OTUD7B: variants seen among roughly 807,000 people sequenced by gnomAD.
OTUD7B encodes the protein OTU deubiquitinase 7B.
Under a neutral mutation model 82.2 loss-of-function variants are expected in OTUD7B, and 34 were observed. The observed-to-expected ratio is 0.41, with a 90% CI of 0.31 to 0.55. OTUD7B has a LOEUF of 0.55. OTUD7B is among the 20% of genes least tolerant of loss of function. The pLI, the probability that OTUD7B is intolerant of heterozygous loss-of-function variation, is 0.20. For synonymous variants in OTUD7B, 398 were observed against 402.7 expected (o/e 0.99, Z 0.14); for missense variants, 944 against 1,062.1 (o/e 0.89, Z 1.55).
chr1:149,973,226 C>G (rs1486473476), intron 2 of OTUD7B, among the ~76,000 whole-genome samples: 2 of 152,136 alleles, frequency 1.3e-5, no homozygotes, highest in Non-Finnish European at 1.5e-5. Flanking sequence ...CGATAGTTTA[C>G]TTTTGATTTC....
the OTUD7B span, among the ~76,000 whole-genome samples, chr1:150,051,927 A>AT: frequency 6.6e-6 from 1 of 152,234 alleles, no homozygotes; most frequent in Non-Finnish European, 1.5e-5. Flanking sequence ...ACAGATCAGG[A>AT]ATGAGCCATT....
In OTUD7B at chr1:149,951,325, T is replaced by C. The variant is rs587634598; in HGVS notation, c.846-1104A>G. Among the ~76,000 whole-genome samples, 4 of 150,444 alleles carry C rather than the reference T, an allele frequency of 2.7e-5. No individual in the cohort carries two copies. In the East Asian group the frequency reaches 7.9e-4, roughly 30 times the overall value. The stretch of plus-strand genomic sequence containing the variant: ...TTCACCGTGTTGGCCAGGATGGTCT[T>C]GATCTCCTGACCTCGTGATCCGCCC... On this transcript the variant is annotated intron_variant, in intron 7 of 11. Coordinates refer to ENST00000581312, the MANE Select transcript of OTUD7B (RefSeq NM_020205.4).
In OTUD7B at chr1:149,967,329, A is replaced by G. The variant is rs1649585163; in HGVS notation, c.467T>C (p.Ile156Thr). The G allele has an allele frequency of 2.5e-6, 4 of 1,614,038 alleles. No individual in the cohort carries two copies. Among genetic ancestry groups the G allele is most frequent in the East Asian group, 4.5e-5 (2 of 44,872 alleles). ...CAAGGCAACCAGCATGGACTGCTCAATGAGGTCTCTCTCTATGAAGCTGCG... is the reference window on the plus strand; with the variant it reads ...CAAGGCAACCAGCATGGACTGCTCAGTGAGGTCTCTCTCTATGAAGCTGCG... The part of the protein sequence containing the change: ...DFRSFIERDL[I>T]EQSMLVALEQ... The change falls in exon 4 of 12, where the codon ATT becomes ACT. Residue 156 changes from isoleucine (I) to threonine (T), a missense_variant. This residue lies in a region of OTUD7B where 530 missense variants were observed against 625.6 expected (regional missense o/e 0.85). Coordinates refer to ENST00000581312, the MANE Select transcript of OTUD7B (RefSeq NM_020205.4).
At chr1:149,958,935 T>C (rs1411257256) in intron 7 of OTUD7B, among the ~76,000 whole-genome samples, 2 of 150,926 alleles carry the variant, frequency 1.3e-5, no homozygotes, top group Non-Finnish European at 3.0e-5. Context: ...AGATGTGGTC[T>C]CACTGGCCAG....
At chr1:149,953,472 C>T (rs1553773964) in intron 7 of OTUD7B, among the ~76,000 whole-genome samples, 1 of 152,184 alleles carries the variant, frequency 6.6e-6, no homozygotes, top group Admixed American at 6.5e-5. Context: ...AGTTTGAAGT[C>T]AGGTAGCGTG....
the OTUD7B span, among the ~76,000 whole-genome samples, chr1:150,049,629 C>CTCTCTTT: frequency 2.3e-5 from 1 of 43,468 alleles, no homozygotes. Flanking sequence ...CTCTCTCTCT[C>CTCTCTTT]TTTCTTTTTT....
the OTUD7B span, among the ~76,000 whole-genome samples, chr1:150,062,369 G>A: frequency 6.6e-6 from 1 of 152,126 alleles, no homozygotes; most frequent in Non-Finnish European, 1.5e-5. Context: ...ATATGAAATG[G>A]TAATTCCATT....
the OTUD7B span, chr1:150,054,808 C>CACAAAAAAAAAAAAAA: frequency 4.8e-5 from 2 of 41,712 alleles, no homozygotes; most frequent in African/African-American, 1.0e-4. Context: ...AACTCAGTCT[C>CACAAAAAAAAAAAAAA]AAAAAAAAAA....
intron 4 of OTUD7B, 24 bp from the exon 5 acceptor site, chr1:149,965,902 A>T (rs782816348): frequency 6.3e-7 from 1 of 1,581,456 alleles, no homozygotes; most frequent in Non-Finnish European, 8.7e-7. Flanking sequence ...ATAGTGGAGG[A>T]AAAGGAGATT....
rs1345675199 is a variant in OTUD7B, at chr1:149,950,082, T to G, written c.973+12A>C. The stretch of plus-strand genomic sequence containing the variant: ...TGCTCAGCATGGAGTGAGGACTGAC[T>G]GGCTGACTCACCTTCCCCTCCGGAG... On this transcript the variant is annotated intron_variant, in intron 8 of 11. Coordinates refer to ENST00000581312, the MANE Select transcript of OTUD7B (RefSeq NM_020205.4). 7.4e-6 allele frequency: 12 copies of G among 1,613,478 alleles called. No individual in the cohort carries two copies. The highest frequency in any genetic ancestry group is 7.6e-6 in the Non-Finnish European group (9 of 1,179,984).
rs1553770969 is a variant in OTUD7B, at chr1:149,943,628, T to C, written c.*229A>G. On this transcript the variant is annotated 3_prime_UTR_variant, in exon 12 of 12. Transcript: ENST00000581312. ...TTTTCCCCTTGTACCTCAAACCTCA[T>C]CAAGTCAAGCTCTGCAGAGGAATAG... is the stretch of plus-strand genomic sequence containing the variant. 9 of 544,540 alleles carry C rather than the reference T, an allele frequency of 1.7e-5. 1 individual carries two copies. The South Asian group carries it at 2.2e-4, about 13-fold the overall frequency. 33.7% of individuals were successfully genotyped at this position (544,540 alleles called of 1,614,324 possible).
In OTUD7B at chr1:149,945,009, G is replaced by A. The variant is rs782459652; in HGVS notation, c.1380C>T (p.Ser460=). The A allele has an allele frequency of 1.2e-5, 20 of 1,614,022 alleles. No individual in the cohort carries two copies. The South Asian group carries it at 2.0e-4, about 16-fold the overall frequency. The change falls in exon 12 of 12, where the codon TCC becomes TCT. Residue 460 remains serine, a synonymous_variant. Coordinates refer to ENST00000581312, the MANE Select transcript of OTUD7B (RefSeq NM_020205.4). ...PTASAGDEPR[S]TPESGDSDKE... ...TGTCTGAGTCTCCAGACTCAGGAGT[G>A]GACCGGGGCTCATCTCCAGCTGAGG...
At chr1:149,955,399 C>T (rs1198683448) in intron 7 of OTUD7B, among the ~76,000 whole-genome samples, 1 of 152,220 alleles carries the variant, frequency 6.6e-6, no homozygotes, top group Non-Finnish European at 1.5e-5. Context: ...GCACTGTGGT[C>T]TGACAGACAG....
rs1298430806 is a variant in OTUD7B, at chr1:149,939,946, AAG to A, written c.*3909_*3910del. On this transcript the variant is annotated 3_prime_UTR_variant, in exon 12 of 12. Transcript: ENST00000581312. Reference sequence around the variant, plus strand: ...TCCGTCTCAAACCAAAAAAAAAAGAAAGAAAGAAAAAGGAAAAAGAAAGAAGA... The same window carrying A: ...TCCGTCTCAAACCAAAAAAAAAAGAAAAAGAAAAAGGAAAAAGAAAGAAGA... The A allele has an allele frequency of 6.6e-6, 1 of 152,100 alleles. No individual in the cohort carries two copies. Among genetic ancestry groups the A allele is most frequent in the Non-Finnish European group, 1.5e-5 (1 of 68,000 alleles). 9.4% of individuals were successfully genotyped at this position (152,100 alleles called of 1,614,324 possible).
chr1:150,012,089 CAAGTA>C (rs1392564324), upstream of OTUD7B, among the ~76,000 whole-genome samples: 1 of 152,142 alleles, frequency 6.6e-6, no homozygotes, highest in African/African-American at 2.4e-5. Context: ...TAGAGGTTGA[CAAGTA>C]AAGTCATTTG....
Position 149,971,085 on chromosome 1 carries a change from C to A in OTUD7B, c.252G>T (p.Gln84His). 1 of 1,609,342 alleles carries A rather than the reference C, an allele frequency of 6.2e-7. No homozygotes were observed. Among genetic ancestry groups the A allele is most frequent in the Non-Finnish European group, 8.5e-7 (1 of 1,176,522 alleles). The change falls in exon 3 of 12, where the codon CAG (glutamine) becomes CAT (histidine). Residue 84 changes from glutamine (Q) to histidine (H), a missense_variant. Coordinates refer to ENST00000581312, the MANE Select transcript of OTUD7B (RefSeq NM_020205.4). ...EPTRPPRPIL[Q>H]RQDDIVQEKR... ...TACCTTGAACGATGTCATCCTGCCG[C>A]TGGAGGATGGGTCGGGGAGGGCGAG...
upstream of OTUD7B, among the ~76,000 whole-genome samples, chr1:150,012,133 C>A (rs1299498804): frequency 1.3e-5 from 2 of 152,154 alleles, no homozygotes; most frequent in Non-Finnish European, 2.9e-5. Flanking sequence ...TAAGGGACCA[C>A]AAATTTTAGC....
At chr1:149,968,996 C>T (rs984027293) in intron 3 of OTUD7B, among the ~76,000 whole-genome samples, 2 of 152,052 alleles carry the variant, frequency 1.3e-5, no homozygotes, top group Non-Finnish European at 2.9e-5. Flanking sequence ...GGATTACAGG[C>T]GTGAGCCACC....
intron 10 of OTUD7B, 77 bp from the exon 11 acceptor site, chr1:149,947,412 G>T: frequency 1.2e-6 from 1 of 835,802 alleles, no homozygotes; most frequent in Non-Finnish European, 2.0e-6. Context: ...AGAAAGGGTG[G>T]GAGAGGGCTA....
Sources: gnomAD v4.1 joint callset for allele counts (sites outside exome capture counted in the v4.1 genomes callset) on GRCh38, gnomAD v4.1.1 for gene constraint, gnomAD v4.1.1 regional missense constraint, MANE v1.5 for transcripts, NCBI Gene and HGNC (gene_info 2026-07-23, HGNC 2026-07-21) for gene names.